Variants in FSTL5 observed in about 807,000 individuals in gnomAD.
FSTL5 encodes the protein follistatin-related protein 5.
A neutral mutation model predicts 89.1 loss-of-function variants in FSTL5; 62 were observed. That is an observed-to-expected ratio of 0.70 (90% CI 0.57 to 0.86). FSTL5 has a LOEUF of 0.86. FSTL5 is among the 40% of genes least tolerant of loss of function. The pLI is 0.00. For synonymous variants in FSTL5, 383 were observed against 346.2 expected, an observed-to-expected ratio of 1.11 and a Z score of -1.18; for missense variants, 1,057 against 1,001.6, an observed-to-expected ratio of 1.06 and a Z score of -0.75.
At chr4:161,608,108 A>G (rs185469769) in intron 7 of FSTL5, among the ~76,000 whole-genome samples, 1 of 152,266 alleles carries the variant, frequency 6.6e-6, no homozygotes, top group East Asian at 1.9e-4. Flanking sequence ...CCCAATGGGA[A>G]TTAAAACATC....
intron 14 of FSTL5, among the ~76,000 whole-genome samples, chr4:161,457,394 A>G (rs1733394518): frequency 6.6e-6 from 1 of 152,224 alleles, no homozygotes; most frequent in Admixed American, 6.5e-5. Context: ...AGCACAAAAT[A>G]TGTTTTATTA....
chr4:161,818,535 C>G (rs1687227981), intron 4 of FSTL5, among the ~76,000 whole-genome samples: 1 of 152,180 alleles, frequency 6.6e-6, no homozygotes. Context: ...ACATCCACCT[C>G]TAGACATCAC....
intron 2 of FSTL5, among the ~76,000 whole-genome samples, chr4:162,070,744 T>C (rs1729585123): frequency 6.6e-6 from 1 of 151,840 alleles, no homozygotes; most frequent in South Asian, 2.1e-4. Flanking sequence ...AACGGGATAA[T>C]GTATTCATGT....
In FSTL5 at chr4:161,481,023, A is replaced by C. The variant is rs1428291348; in HGVS notation, c.1605T>G (p.Val535=). The part of the protein sequence containing the change: ...LIVDVQSQKV[V]QAVSTDPVPV... ...AAAAAGTAGTAATTATTCATACCTG[A>C]ACAACTTTTTGGGACTGCACATCAA... The change falls in exon 13 of 16, where the codon GTT becomes GTG. Residue 535 remains valine (V), a synonymous_variant. Transcript: ENST00000306100. 6.2e-7 allele frequency: 1 copy of C among 1,607,728 alleles called. No homozygotes were observed. Among genetic ancestry groups the C allele is most frequent in the East Asian group, 2.2e-5 (1 of 44,690 alleles).
intron 3 of FSTL5, among the ~76,000 whole-genome samples, chr4:162,010,703 C>A (rs533986458): frequency 7.0e-4 from 106 of 152,284 alleles, no homozygotes; most frequent in African/African-American, 2.5e-3. Flanking sequence ...TAGAAAATGT[C>A]GCCTCTTGCG....
chr4:161,600,200 A>ACACACACACAC (rs1395832923), intron 7 of FSTL5, among the ~76,000 whole-genome samples: 6 of 89,412 alleles, frequency 6.7e-5, no homozygotes, highest in Admixed American at 1.1e-4. Context: ...CACACACACA[A>ACACACACACAC]ACAGTATGCC....
At chr4:161,505,816 A>T (rs1293872017) in intron 11 of FSTL5, among the ~76,000 whole-genome samples, 4 of 152,124 alleles carry the variant, frequency 2.6e-5, no homozygotes, top group Non-Finnish European at 5.9e-5. Context: ...TTTTGATGAA[A>T]AAAATTGTAA....
At chr4:161,696,033 T>A (rs914539743) in intron 6 of FSTL5, among the ~76,000 whole-genome samples, 1 of 152,200 alleles carries the variant, frequency 6.6e-6, no homozygotes, top group African/African-American at 2.4e-5. Flanking sequence ...AATATTTGCC[T>A]GAGCCAATGT....
chr4:162,018,541 T>G (rs996655076), intron 3 of FSTL5, among the ~76,000 whole-genome samples: 6 of 89,370 alleles, frequency 6.7e-5, no homozygotes, highest in African/African-American at 3.2e-4. Context: ...AATATTATTT[T>G]AGATTCTTTC....
chr4:161,758,453 C>T (rs1438411130), intron 6 of FSTL5, among the ~76,000 whole-genome samples: 3 of 152,036 alleles, frequency 2.0e-5, no homozygotes, highest in Admixed American at 1.3e-4. Flanking sequence ...TCTTTTTACA[C>T]GTAGCTCCTA....
intron 3 of FSTL5, among the ~76,000 whole-genome samples, chr4:161,964,937 T>C (rs1735282601): frequency 6.6e-6 from 1 of 152,032 alleles, no homozygotes; most frequent in Non-Finnish European, 1.5e-5. Flanking sequence ...TAATTGTTGG[T>C]TTATCATTCC....
At chr4:161,525,727 C>T (rs1294000245) in intron 10 of FSTL5, among the ~76,000 whole-genome samples, 5 of 152,144 alleles carry the variant, frequency 3.3e-5, no homozygotes, top group African/African-American at 7.2e-5. Flanking sequence ...TGTCAACATG[C>T]TTTCCAAAGG....
intron 4 of FSTL5, among the ~76,000 whole-genome samples, chr4:161,842,431 G>A (rs986422867): frequency 6.6e-6 from 1 of 151,754 alleles, no homozygotes; most frequent in African/African-American, 2.4e-5. Context: ...AAATAAAATT[G>A]GTATCTCTTT....
intron 4 of FSTL5, among the ~76,000 whole-genome samples, chr4:161,797,313 T>C (rs887919698): frequency 1.8e-4 from 28 of 151,764 alleles, no homozygotes; most frequent in African/African-American, 5.5e-4. Context: ...AGAAAGAATA[T>C]TGAAGATTCA....
intron 8 of FSTL5, among the ~76,000 whole-genome samples, chr4:161,572,912 T>G (rs996277057): frequency 1.3e-5 from 2 of 152,134 alleles, no homozygotes; most frequent in Non-Finnish European, 2.9e-5. Flanking sequence ...TAAAAAGACA[T>G]AAATCCTGAT....
At chr4:161,812,879 C>CAAAAAAAAAAAAAAAAAAAAAAAAA (rs35183730) in intron 4 of FSTL5, among the ~76,000 whole-genome samples, 3 of 41,566 alleles carry the variant, frequency 7.2e-5, no homozygotes, top group Middle Eastern at 0.023. Flanking sequence ...TAAATCCCAG[C>CAAAAAAAAAAAAAAAAAAAAAAAAA]AAAAAAAAAA....
At chr4:161,691,359 T>A (rs1737934323) in intron 6 of FSTL5, among the ~76,000 whole-genome samples, 1 of 152,102 alleles carries the variant, frequency 6.6e-6, no homozygotes, top group Non-Finnish European at 1.5e-5. Flanking sequence ...GATATTTCAG[T>A]TCATTCTAGA....
intron 10 of FSTL5, among the ~76,000 whole-genome samples, chr4:161,513,306 A>AGAGAGAGAGAGAGAGG (rs1730714469): frequency 8.8e-6 from 1 of 114,042 alleles, no homozygotes; most frequent in Non-Finnish European, 2.1e-5. Flanking sequence ...AGAGAGAGAG[A>AGAGAGAGAGAGAGAGG]GAGACAGAGG....
intron 4 of FSTL5, among the ~76,000 whole-genome samples, chr4:161,882,257 G>A (rs928926789): frequency 6.6e-6 from 1 of 152,032 alleles, no homozygotes; most frequent in Admixed American, 6.6e-5. Flanking sequence ...TAAGCCAGCA[G>A]TAATGGACTT....
Sources: gnomAD v4.1 joint callset for allele counts (sites outside exome capture counted in the v4.1 genomes callset) on GRCh38, gnomAD v4.1.1 for gene constraint, MANE v1.5 for transcripts, NCBI Gene and HGNC (gene_info 2026-07-23, HGNC 2026-07-21) for gene names.